WAPL: variants seen among roughly 807,000 people sequenced by gnomAD.
WAPL encodes the protein WAPL cohesin release factor.
Under a neutral mutation model 121.0 loss-of-function variants are expected in WAPL, and 5 were observed. The ratio of observed to expected loss-of-function variants is 0.04; its 90% CI spans 0.02 to 0.09. The LOEUF is 0.09. Ranked by LOEUF, WAPL falls within the 10% of genes least tolerant of loss-of-function variation. WAPL has a pLI of 1.00. For missense variants in WAPL, 999 were observed against 1,410.8 expected, an observed-to-expected ratio of 0.71 and a Z score of 4.68; for synonymous variants, 480 against 481.5, an observed-to-expected ratio of 1.00 and a Z score of 0.04.
At chr10:86,507,484 T>C (rs1443054609) in intron 2 of WAPL, among the ~76,000 whole-genome samples, 3 of 152,048 alleles carry the variant, frequency 2.0e-5, no homozygotes, top group Admixed American at 2.0e-4. Context: ...TTATTCACTG[T>C]TCATGTATTT....
intron 17 of WAPL, 85 bp from the exon 18 acceptor site, chr10:86,438,100 A>G: frequency 2.1e-6 from 2 of 935,520 alleles, no homozygotes; most frequent in Non-Finnish European, 3.3e-6. Context: ...TTTGACACAC[A>G]TCTTGGTGCA....
At chr10:86,487,495 C>A (rs1356007222) in intron 4 of WAPL, among the ~76,000 whole-genome samples, 1 of 152,114 alleles carries the variant, frequency 6.6e-6, no homozygotes, top group African/African-American at 2.4e-5. Context: ...GTTTTCTTCA[C>A]CCTCATCTTC....
intron 4 of WAPL, among the ~76,000 whole-genome samples, chr10:86,489,592 AG>A (rs1842000152): frequency 6.6e-6 from 1 of 152,166 alleles, no homozygotes; most frequent in Admixed American, 6.5e-5. Flanking sequence ...ACAAGGCAAG[AG>A]GGGGGTGCTA....
intron 4 of WAPL, among the ~76,000 whole-genome samples, chr10:86,483,698 G>A (rs566604360): frequency 2.3e-4 from 34 of 150,554 alleles, no homozygotes; most frequent in Middle Eastern, 7.1e-3. Context: ...ACAAGATGTG[G>A]AGGTGGAAGA....
intron 9 of WAPL, among the ~76,000 whole-genome samples, chr10:86,463,149 C>G (rs760420086): frequency 1.3e-5 from 2 of 152,076 alleles, no homozygotes; most frequent in African/African-American, 4.8e-5. Flanking sequence ...AGGAACAGGC[C>G]GCAAGATGGC....
chr10:86,469,106 T>TAAATA lies in WAPL; in HGVS notation c.2143-1605_2143-1601dup, dbSNP rs552831506. ...GCGACAGAGCAAGACTCTCTCAAAA[T>TAAATA]AAATAAAATAAAATAAAATAAAATA... is the stretch of plus-strand genomic sequence containing the variant. On this transcript the variant is annotated intron_variant, in intron 8 of 18. Coordinates refer to ENST00000298767, the MANE Select transcript of WAPL (RefSeq NM_015045.5). Among the ~76,000 whole-genome samples the TAAATA allele has an allele frequency of 8.0e-3, 1,216 of 151,058 alleles. 16 individuals carry two copies. The highest frequency in any genetic ancestry group is 0.027 in the African/African-American group (1,105 of 41,176).
chr10:86,453,248 T>A lies in WAPL; in HGVS notation c.2921A>T (p.Gln974Leu). The part of the protein sequence containing the change: ...CVLQVPKYLP[Q>L]EQRFDIRVLG... The stretch of plus-strand genomic sequence containing the variant: ...CACTCGAATATCAAATCTCTGCTCC[T>A]GAGGTAGGTACTTTGGAACCTGAAG... The change falls in exon 14 of 19, where the codon CAG becomes CTG. Residue 974 changes from glutamine to leucine, a missense_variant. Gln to Leu is a moderately radical substitution (Grantham distance 113). Transcript: ENST00000298767. The A allele has an allele frequency of 6.2e-7, 1 of 1,614,086 alleles. No individual in the cohort carries two copies. The highest frequency in any genetic ancestry group is 8.5e-7 in the Non-Finnish European group (1 of 1,179,972).
rs113467725 is a variant in WAPL at position 86,517,708 on chromosome 10, T to C, written c.362A>G (p.His121Arg). 5 of 1,614,102 alleles carry C rather than the reference T, an allele frequency of 3.1e-6. No homozygotes were observed. Among genetic ancestry groups the C allele is most frequent in the Non-Finnish European group, 4.2e-6 (5 of 1,180,042 alleles). Residue 121 changes from histidine to arginine, a missense_variant, in exon 2 of 19, where the codon CAT (histidine) becomes CGT (arginine). By Grantham distance (29) the His-to-Arg change is conservative. This residue lies in a region of WAPL where 531 missense variants were observed against 563.1 expected (regional missense o/e 0.94). Coordinates refer to ENST00000298767, the MANE Select transcript of WAPL (RefSeq NM_015045.5). The stretch of plus-strand genomic sequence containing the variant: ...AACGACAGTGTCTTCAACGACCACA[T>C]GACTAATTTTGCTATTAGCTTCAAG... ...SVLEANSKIS[H>R]VVVEDTVVSD...
chr10:86,505,037 TTC>T (rs551750178), intron 2 of WAPL, among the ~76,000 whole-genome samples: 25 of 152,138 alleles, frequency 1.6e-4, no homozygotes, highest in Non-Finnish European at 3.1e-4. Flanking sequence ...TGATCAAATA[TTC>T]TGAGAGCATT....
intron 16 of WAPL, among the ~76,000 whole-genome samples, chr10:86,445,998 C>T (rs1464031819): frequency 6.6e-6 from 1 of 152,098 alleles, no homozygotes; most frequent in Non-Finnish European, 1.5e-5. Flanking sequence ...AAGGAGGGCC[C>T]CGGAAGGAAG....
chr10:86,453,238 T>C lies in WAPL; in HGVS notation c.2931A>G (p.Arg977=), dbSNP rs1190632638. ...AACTTACCAGCACTCGAATATCAAA[T>C]CTCTGCTCCTGAGGTAGGTACTTTG... is the stretch of plus-strand genomic sequence containing the variant. ...QVPKYLPQEQ[R]FDIRVLGLGL... is the part of the protein sequence containing the mutation. Residue 977 remains arginine, a synonymous_variant, in exon 14 of 19, where the codon AGA becomes AGG. Transcript: ENST00000298767. 1.2e-6 allele frequency: 2 copies of C among 1,614,036 alleles called. No homozygotes were observed. Among genetic ancestry groups the C allele is most frequent in the Admixed American group, 3.3e-5 (2 of 60,006 alleles).
intron 8 of WAPL, 32 bp downstream of exon 8, chr10:86,470,960 A>C: frequency 1.9e-6 from 3 of 1,578,842 alleles, no homozygotes; most frequent in Non-Finnish European, 2.6e-6. Context: ...TTTCAACATA[A>C]GGCTTCTCAA....
chr10:86,464,426 A>T (rs1841354659), intron 9 of WAPL, among the ~76,000 whole-genome samples: 1 of 152,246 alleles, frequency 6.6e-6, no homozygotes, highest in South Asian at 2.1e-4. Context: ...AATATAGAAG[A>T]CAAAAAAATA....
intron 2 of WAPL, among the ~76,000 whole-genome samples, chr10:86,513,659 T>C (rs1260448270): frequency 1.3e-5 from 2 of 151,820 alleles, no homozygotes; most frequent in African/African-American, 4.8e-5. Flanking sequence ...ACTTAAAGAA[T>C]TTTAACAGTG....
intron 4 of WAPL, among the ~76,000 whole-genome samples, chr10:86,489,083 G>A (rs1841984569): frequency 6.6e-6 from 1 of 152,152 alleles, no homozygotes; most frequent in South Asian, 2.1e-4. Context: ...GTCTAATCAT[G>A]AGAAAGTATC....
At chr10:86,464,516 T>C (rs992543296) in intron 9 of WAPL, among the ~76,000 whole-genome samples, 1 of 152,098 alleles carries the variant, frequency 6.6e-6, no homozygotes, top group African/African-American at 2.4e-5. Context: ...AAAAAATCAG[T>C]AGACACTGCA....
At chr10:86,455,937 T>C (rs1326593335) in intron 12 of WAPL, among the ~76,000 whole-genome samples, 2 of 152,200 alleles carry the variant, frequency 1.3e-5, no homozygotes, top group Non-Finnish European at 2.9e-5. Flanking sequence ...GAAACAGGTA[T>C]TGAAATGACT....
chr10:86,516,423 T>C (rs1333888932), intron 2 of WAPL, among the ~76,000 whole-genome samples: 1 of 152,200 alleles, frequency 6.6e-6, no homozygotes, highest in Admixed American at 6.5e-5. Context: ...AAGGACAAAT[T>C]TGCCTTAAGA....
intron 4 of WAPL, among the ~76,000 whole-genome samples, chr10:86,478,445 T>C (rs1362230041): frequency 1.3e-5 from 2 of 151,830 alleles, no homozygotes; most frequent in African/African-American, 4.8e-5. Flanking sequence ...AAAAAAAGGA[T>C]GGATTCTGTG....
Sources: gnomAD v4.1 joint callset for allele counts (sites outside exome capture counted in the v4.1 genomes callset) on GRCh38, gnomAD v4.1.1 for gene constraint, gnomAD v4.1.1 regional missense constraint, MANE v1.5 for transcripts, NCBI Gene and HGNC (gene_info 2026-07-23, HGNC 2026-07-21) for gene names.